The following SGCD variants were observed in gnomAD, a reference collection of about 807,000 sequenced individuals.
The protein encoded by SGCD is delta-sarcoglycan.
In SGCD, 18 loss-of-function variants were observed where a neutral mutation model predicts 36.6. That is an observed-to-expected ratio of 0.49 (90% CI 0.34 to 0.73). SGCD has a LOEUF of 0.73. Ranked by LOEUF, SGCD falls within the 30% of genes least tolerant of loss-of-function variation. The pLI is 0.01. For missense variants in SGCD, 387 were observed against 346.7 expected, an observed-to-expected ratio of 1.12 and a Z score of -0.92; for synonymous variants, 133 against 130.6, an observed-to-expected ratio of 1.02 and a Z score of -0.12.
intron 3 of SGCD, among the ~76,000 whole-genome samples, chr5:156,218,042 G>A (rs112374279): frequency 6.6e-6 from 1 of 152,214 alleles, no homozygotes; most frequent in African/African-American, 2.4e-5. Flanking sequence ...GGGAGGCCAA[G>A]GCAGGCAGAT....
chr5:156,267,661 T>G (rs1166326371), intron 3 of SGCD, among the ~76,000 whole-genome samples: 1 of 152,154 alleles, frequency 6.6e-6, no homozygotes, highest in Non-Finnish European at 1.5e-5. Flanking sequence ...CAGCAACTGA[T>G]ACACACTTCT....
chr5:156,607,520 G>A (rs1280769525), intron 6 of SGCD, among the ~76,000 whole-genome samples: 8 of 152,162 alleles, frequency 5.3e-5, no homozygotes, highest in Admixed American at 4.6e-4. Flanking sequence ...TTTTGGTTGT[G>A]TCTCTGCCAG....
the SGCD span, among the ~76,000 whole-genome samples, chr5:155,779,454 T>A: frequency 5.3e-5 from 8 of 152,084 alleles, no homozygotes; most frequent in African/African-American, 1.7e-4. Context: ...ACAAAAAAAA[T>A]GATTTTATTC....
At chr5:156,481,812 G>A (rs945867913) in intron 3 of SGCD, among the ~76,000 whole-genome samples, 5 of 152,180 alleles carry the variant, frequency 3.3e-5, no homozygotes, top group African/African-American at 7.2e-5. Flanking sequence ...GATCAGGGTC[G>A]GAACCCAGGG....
intron 1 of SGCD, among the ~76,000 whole-genome samples, chr5:156,079,714 G>T (rs1469791789): frequency 2.0e-5 from 3 of 152,206 alleles, no homozygotes; most frequent in Admixed American, 6.5e-5. Flanking sequence ...GCACAATTCT[G>T]CAAGAGGTGG....
At chr5:156,620,435 A>C (rs978329897) in intron 6 of SGCD, among the ~76,000 whole-genome samples, 2 of 152,256 alleles carry the variant, frequency 1.3e-5, no homozygotes, top group Admixed American at 1.3e-4. Flanking sequence ...CCAGTGAAAT[A>C]TTAAATAGTG....
At chr5:156,475,785 A>G (rs1755153201) in intron 3 of SGCD, among the ~76,000 whole-genome samples, 1 of 152,220 alleles carries the variant, frequency 6.6e-6, no homozygotes, top group African/African-American at 2.4e-5. Flanking sequence ...AAGGAATTCT[A>G]TTAGAATACT....
the SGCD span, among the ~76,000 whole-genome samples, chr5:155,815,450 T>C: frequency 6.6e-6 from 1 of 152,222 alleles, no homozygotes. Flanking sequence ...CACATATATG[T>C]CAATTATTAA....
chr5:156,568,258 C>T (rs924802347), intron 4 of SGCD, among the ~76,000 whole-genome samples: 3 of 152,134 alleles, frequency 2.0e-5, no homozygotes, highest in Non-Finnish European at 2.9e-5. Context: ...GTGATGTGCA[C>T]CTGTAGTCTC....
intron 1 of SGCD, among the ~76,000 whole-genome samples, chr5:155,885,780 T>C (rs553629295): frequency 6.6e-6 from 1 of 151,050 alleles, no homozygotes; most frequent in South Asian, 2.1e-4. Flanking sequence ...ACACCATAAA[T>C]CTTCAAACCA....
the SGCD span, among the ~76,000 whole-genome samples, chr5:155,729,138 G>T: frequency 1.3e-5 from 2 of 152,236 alleles, no homozygotes; most frequent in African/African-American, 2.4e-5. Flanking sequence ...CGATTGCCGC[G>T]GGGGTTTCCC....
chr5:156,480,590 G>A (rs1342052087), intron 3 of SGCD, among the ~76,000 whole-genome samples: 2 of 152,162 alleles, frequency 1.3e-5, no homozygotes, highest in Non-Finnish European at 2.9e-5. Flanking sequence ...GAGTCATACT[G>A]CATGGCTGCT....
chr5:155,863,332 C>T, the SGCD span, among the ~76,000 whole-genome samples: 1 of 152,052 alleles, frequency 6.6e-6, no homozygotes, highest in Admixed American at 6.6e-5. Context: ...GATTTGCTTC[C>T]TTCATAGCAT....
At chr5:156,312,920 C>T (rs916217711) in intron 3 of SGCD, among the ~76,000 whole-genome samples, 2 of 152,076 alleles carry the variant, frequency 1.3e-5, no homozygotes, top group South Asian at 2.1e-4. Flanking sequence ...GATGACTATT[C>T]GTTTATTTTT....
chr5:155,769,623 C>T, the SGCD span, among the ~76,000 whole-genome samples: 1 of 152,140 alleles, frequency 6.6e-6, no homozygotes, highest in African/African-American at 2.4e-5. Context: ...CAGTTTTTAA[C>T]CTTGGCATAG....
chr5:155,745,140 GA>G, the SGCD span, among the ~76,000 whole-genome samples: 1 of 151,890 alleles, frequency 6.6e-6, no homozygotes, highest in African/African-American at 2.4e-5. Context: ...TTAATAATAG[GA>G]AAAAAATAAA....
the SGCD span, among the ~76,000 whole-genome samples, chr5:155,772,817 C>T: frequency 6.6e-6 from 1 of 151,930 alleles, no homozygotes; most frequent in Non-Finnish European, 1.5e-5. Flanking sequence ...TCCCAACTTC[C>T]TACTAACCCC....
chr5:156,763,114 T>C lies in SGCD; in HGVS notation c.*3724T>C, dbSNP rs1390030857. On this transcript the variant is annotated 3_prime_UTR_variant, in exon 9 of 9. Transcript: ENST00000337851. The stretch of plus-strand genomic sequence containing the variant: ...AGTTATGATCCTCCAAGACCCTTAA[T>C]TGATAGACCATACCAGGTTCTGCAG... 6.6e-6 allele frequency: 1 copy of C among 152,650 alleles called. No homozygotes were observed. Among genetic ancestry groups the C allele is most frequent in the Non-Finnish European group, 1.5e-5 (1 of 68,060 alleles). 9.5% of individuals were successfully genotyped at this position (152,650 alleles called of 1,614,324 possible). A position where few individuals can be genotyped will look rare whatever the true frequency, so the allele number is the denominator to read the frequency against.
intron 6 of SGCD, among the ~76,000 whole-genome samples, chr5:156,612,542 AGC>A (rs1260943155): frequency 6.6e-6 from 1 of 152,268 alleles, no homozygotes; most frequent in Non-Finnish European, 1.5e-5. Context: ...GTGCAGGTAC[AGC>A]AAGTCAGCCA....
Sources: allele counts gnomAD v4.1 joint callset (sites outside exome capture counted in the v4.1 genomes callset), GRCh38; gene constraint gnomAD v4.1.1; transcripts MANE v1.5; gene names NCBI Gene and HGNC (gene_info 2026-07-23, HGNC 2026-07-21).